Variants in MEF2A observed in about 807,000 individuals in gnomAD.
MEF2A encodes the protein myocyte-specific enhancer factor 2A.
In MEF2A, 28 loss-of-function variants were observed where a neutral mutation model predicts 55.8. That is an observed-to-expected ratio of 0.50 (90% CI 0.37 to 0.69). MEF2A has a LOEUF of 0.69. MEF2A is among the 30% of genes least tolerant of loss of function. MEF2A has a pLI of 0.00. For missense variants in MEF2A, 528 were observed against 626.2 expected, an observed-to-expected ratio of 0.84 and a Z score of 1.67; for synonymous variants, 239 against 227.1, an observed-to-expected ratio of 1.05 and a Z score of -0.47.
rs116694685 is a variant in MEF2A at position 99,588,253 on chromosome 15, A to G, written c.-224-10177A>G. Among the ~76,000 whole-genome samples, 1,330 of 151,762 alleles carry G rather than the reference A, an allele frequency of 8.8e-3. 28 individuals carry two copies. The highest frequency in any genetic ancestry group is 0.03 in the African/African-American group (1,248 of 41,356). On this transcript the variant is annotated intron_variant, in intron 1 of 11. Transcript: ENST00000557942. ...TGCCTCAGCCTCCTAAGTATTTGGG[A>G]CCACAGGCGTGTGCCACCACACTCA...
intron 2 of MEF2A, among the ~76,000 whole-genome samples, chr15:99,614,608 A>G (rs559676115): frequency 2.6e-5 from 4 of 152,328 alleles, no homozygotes; most frequent in African/African-American, 9.6e-5. Flanking sequence ...AAGTAATTAC[A>G]GTTGAGGTAA....
At chr15:99,667,783 T>C (rs1192309161) in intron 4 of MEF2A, among the ~76,000 whole-genome samples, 3 of 152,168 alleles carry the variant, frequency 2.0e-5, no homozygotes, top group Non-Finnish European at 4.4e-5. Context: ...ATTATTTGCA[T>C]TACTCTCACT....
chr15:99,626,802 A>G (rs2042119715), intron 2 of MEF2A, among the ~76,000 whole-genome samples: 1 of 152,186 alleles, frequency 6.6e-6, no homozygotes, highest in Non-Finnish European at 1.5e-5. Context: ...ATTATTTTCT[A>G]CATTTTAAAT....
At chr15:99,588,930 T>C (rs1428749485) in intron 1 of MEF2A, among the ~76,000 whole-genome samples, 5 of 152,332 alleles carry the variant, frequency 3.3e-5, no homozygotes, top group Admixed American at 6.5e-5. Context: ...TGTACTGATA[T>C]TTTCTTTACA....
At chr15:99,602,755 C>CGTGTGTGT (rs58540017) in intron 2 of MEF2A, among the ~76,000 whole-genome samples, 10 of 16,720 alleles carry the variant, frequency 6.0e-4, no homozygotes, top group South Asian at 4.1e-3. Context: ...GGGAGCTTTT[C>CGTGTGTGT]GTGTGTGTGT....
chr15:99,577,724 A>G (rs974170375), intron 1 of MEF2A, among the ~76,000 whole-genome samples: 1 of 152,056 alleles, frequency 6.6e-6, no homozygotes, highest in Admixed American at 6.5e-5. Flanking sequence ...CCCACATTGC[A>G]TTTATTTGTT....
chr15:99,610,945 C>T (rs1274985492), intron 2 of MEF2A, among the ~76,000 whole-genome samples: 8 of 152,214 alleles, frequency 5.3e-5, no homozygotes, highest in African/African-American at 1.9e-4. Flanking sequence ...TCTAGGGACA[C>T]TATCAAGGAA....
chr15:99,653,079 A>G (rs904167594), intron 4 of MEF2A, among the ~76,000 whole-genome samples: 1 of 152,204 alleles, frequency 6.6e-6, no homozygotes, highest in Non-Finnish European at 1.5e-5. Context: ...TATAACTATT[A>G]TAAGATAAGA....
chr15:99,639,200 A>T (rs981280951), intron 3 of MEF2A, among the ~76,000 whole-genome samples: 1 of 152,170 alleles, frequency 6.6e-6, no homozygotes, highest in African/African-American at 2.4e-5. Context: ...TTTTATTCAT[A>T]AAGTGAAAAA....
In MEF2A at chr15:99,690,253, T is replaced by G. The variant is rs1252757538; in HGVS notation, c.683T>G (p.Val228Gly). ...AGSSPVGNGF[V>G]NSRASPNLIG... ...TTTTTCCCCCCAGGGAATGGATTTG[T>G]AAACTCAAGAGCTTCTCCAAATTTG... The change falls in exon 8 of 12, where the codon GTA becomes GGA. Residue 228 changes from valine to glycine, a missense_variant. By Grantham distance (109) the Val-to-Gly change is moderately radical (BLOSUM62 -3). This residue lies in a region of MEF2A where 450 missense variants were observed against 475.3 expected (regional missense o/e 0.95). Transcript: ENST00000557942. 2 of 1,613,518 alleles carry G rather than the reference T, an allele frequency of 1.2e-6. No individual in the cohort carries two copies. The highest frequency in any genetic ancestry group is 8.5e-7 in the Non-Finnish European group (1 of 1,179,676).
intron 3 of MEF2A, among the ~76,000 whole-genome samples, chr15:99,635,294 A>C (rs1399132154): frequency 6.6e-6 from 1 of 152,230 alleles, no homozygotes; most frequent in Non-Finnish European, 1.5e-5. Context: ...TAGCAAGATA[A>C]AAATCACACT....
intron 2 of MEF2A, among the ~76,000 whole-genome samples, chr15:99,626,631 C>T (rs190902308): frequency 2.8e-4 from 43 of 152,082 alleles, no homozygotes; most frequent in African/African-American, 9.9e-4. Flanking sequence ...CTTTGTATTT[C>T]CAAATGAATT....
chr15:99,701,611 A>G (rs1003142181), intron 8 of MEF2A, among the ~76,000 whole-genome samples: 1 of 152,234 alleles, frequency 6.6e-6, no homozygotes, highest in African/African-American at 2.4e-5. Context: ...CGACAACTGC[A>G]TTGTATTTCC....
intron 4 of MEF2A, among the ~76,000 whole-genome samples, chr15:99,670,390 C>G (rs908246283): frequency 6.6e-6 from 1 of 152,080 alleles, no homozygotes; most frequent in Non-Finnish European, 1.5e-5. Context: ...GGGTGGATCA[C>G]GAGGTCAGGA....
intron 3 of MEF2A, among the ~76,000 whole-genome samples, chr15:99,635,620 G>A (rs2043667826): frequency 6.6e-6 from 1 of 152,018 alleles, no homozygotes. Context: ...CCCCAAGGAA[G>A]GTCATTATCC....
rs917280383 is a variant in MEF2A at position 99,714,452 on chromosome 15, A to G, written c.*1681A>G. Reference sequence around the variant, plus strand: ...ACGATGCAGCTGGTTACAAAATCCTACCGTTATCAGCTCTTCTGCACATTG... The same window carrying G: ...ACGATGCAGCTGGTTACAAAATCCTGCCGTTATCAGCTCTTCTGCACATTG... On this transcript the variant is annotated 3_prime_UTR_variant, in exon 12 of 12. Transcript: ENST00000557942. 1.3e-5 allele frequency: 2 copies of G among 152,146 alleles called. No individual in the cohort carries two copies. Among genetic ancestry groups the G allele is most frequent in the African/African-American group, 2.4e-5 (1 of 41,410 alleles). The allele number at this position is 152,146 out of a possible 1,614,324, so 9.4% of individuals were successfully genotyped here. A position where few individuals can be genotyped will look rare whatever the true frequency, so the allele number is the denominator to read the frequency against.
intron 2 of MEF2A, among the ~76,000 whole-genome samples, chr15:99,606,614 C>G (rs531522025): frequency 6.6e-6 from 1 of 151,712 alleles, no homozygotes; most frequent in Admixed American, 6.6e-5. Context: ...ATTTAAGAAA[C>G]GTGGAAAAAA....
chr15:99,637,889 C>T (rs182226365), intron 3 of MEF2A, among the ~76,000 whole-genome samples: 324 of 152,174 alleles, frequency 2.1e-3, no homozygotes, highest in Middle Eastern at 6.8e-3. Context: ...GTGATCTGCC[C>T]GCCTCGGCCT....
chr15:99,708,907 C>T (rs907909848), intron 10 of MEF2A, among the ~76,000 whole-genome samples: 5 of 151,984 alleles, frequency 3.3e-5, no homozygotes, highest in African/African-American at 9.7e-5. Flanking sequence ...GGGGACAGAG[C>T]GTGGGTGGTT....
Sources: gnomAD v4.1 joint callset for allele counts (sites outside exome capture counted in the v4.1 genomes callset) on GRCh38, gnomAD v4.1.1 for gene constraint, gnomAD v4.1.1 regional missense constraint, MANE v1.5 for transcripts, NCBI Gene and HGNC (gene_info 2026-07-23, HGNC 2026-07-21) for gene names.